The following RSPH1 variants were observed in gnomAD, a reference collection of about 807,000 sequenced individuals.
The protein encoded by RSPH1 is radial spoke head component 1, also known as radial spoke head 1 homolog.
In RSPH1, 32 loss-of-function variants were observed where a neutral mutation model predicts 44.2. The observed-to-expected ratio is 0.72, with a 90% CI of 0.55 to 0.97. RSPH1 has a LOEUF of 0.97. Among genes scored for constraint, RSPH1 ranks in the 50% least tolerant of loss-of-function variants. RSPH1 has a pLI of 0.00. For missense variants in RSPH1, 391 were observed against 398.7 expected (o/e 0.98, Z 0.16); for synonymous variants, 134 against 147.3 (o/e 0.91, Z 0.65).
chr21:42,495,958 T>C, intron 1 of RSPH1, 175 bp downstream of exon 1: 1 of 637,190 alleles, frequency 1.6e-6, no homozygotes, highest in Non-Finnish European at 2.8e-6. Context: ...CTTTTCACCA[T>C]CAACTTCCAG....
intron 7 of RSPH1, among the ~76,000 whole-genome samples, chr21:42,476,970 G>GC (rs1185506269): frequency 6.9e-6 from 1 of 145,606 alleles, no homozygotes; most frequent in East Asian, 2.0e-4. Flanking sequence ...CCATCCCACA[G>GC]CCTGGGGATG....
chr21:42,493,179 T>G (rs1236522023), intron 1 of RSPH1, 100 bp from the exon 2 acceptor site: 2 of 962,044 alleles, frequency 2.1e-6, no homozygotes, highest in Non-Finnish European at 3.2e-6. Context: ...CATCCCACTA[T>G]GCTAAACCCC....
chr21:42,487,491 A>G (rs1167267164), intron 3 of RSPH1, among the ~76,000 whole-genome samples: 4 of 152,262 alleles, frequency 2.6e-5, no homozygotes, highest in Non-Finnish European at 4.4e-5. Context: ...TGGTTGCCAT[A>G]TGGAGAAGCA....
In RSPH1 at chr21:42,492,843, A is replaced by G; in HGVS notation, c.189T>C (p.Asn63=). Residue 63 remains asparagine (N), a synonymous_variant, in exon 3 of 9, where the codon AAT becomes AAC. Transcript: ENST00000291536. The part of the protein sequence containing the change: ...RHGQGIYKFK[N]GARYIGEYVR... The stretch of plus-strand genomic sequence containing the variant: ...CATATTCTCCGATATATCGAGCACC[A>G]TTTTTAAATTTGTAGATCCCCTGAA... 1.2e-6 allele frequency: 2 copies of G among 1,613,188 alleles called. No homozygotes were observed. The highest frequency in any genetic ancestry group is 1.3e-5 in the African/African-American group (1 of 75,032).
intron 1 of RSPH1, 121 bp from the exon 2 acceptor site, chr21:42,493,200 C>G: frequency 1.2e-6 from 1 of 817,450 alleles, no homozygotes; most frequent in Non-Finnish European, 2.0e-6. Context: ...CGGCACTATA[C>G]TCAATTGTCC....
At chr21:42,477,492 G>A in intron 6 of RSPH1, 48 bp from the exon 7 acceptor site, 1 of 1,591,254 alleles carries the variant, frequency 6.3e-7, no homozygotes, top group Non-Finnish European at 8.6e-7. Context: ...GTGTCATCTT[G>A]GTCTGGAATA....
intron 6 of RSPH1, among the ~76,000 whole-genome samples, chr21:42,482,225 A>G (rs1286298469): frequency 1.3e-5 from 2 of 152,200 alleles, no homozygotes; most frequent in African/African-American, 4.8e-5. Flanking sequence ...CTGGGATTAC[A>G]GGCATGCGCC....
intron 1 of RSPH1, among the ~76,000 whole-genome samples, chr21:42,495,049 A>G (rs2054273777): frequency 6.6e-6 from 1 of 152,206 alleles, no homozygotes; most frequent in Non-Finnish European, 1.5e-5. Flanking sequence ...AGGGCAGGGA[A>G]GTAGACATGA....
At position 42,480,533 on chromosome 21, in the gene RSPH1, G is replaced by A. The variant is rs533038217; in HGVS notation, c.573+2104C>T. On this transcript the variant is annotated intron_variant, in intron 6 of 8. Coordinates refer to ENST00000291536, the MANE Select transcript of RSPH1 (RefSeq NM_080860.4). Reference sequence around the variant, plus strand: ...CACATGCCTGTAATCCCAGCTACTCGGGAGGCTGAGACAGGAGAATCGCTT... The same window carrying A: ...CACATGCCTGTAATCCCAGCTACTCAGGAGGCTGAGACAGGAGAATCGCTT... Among the ~76,000 whole-genome samples, 11 of 151,756 alleles carry A rather than the reference G, an allele frequency of 7.2e-5. No homozygotes were observed. In the East Asian group the frequency reaches 1.9e-3, roughly 27 times the overall value.
intron 6 of RSPH1, among the ~76,000 whole-genome samples, chr21:42,478,852 T>C (rs943238514): frequency 1.3e-5 from 2 of 152,152 alleles, no homozygotes; most frequent in Admixed American, 6.5e-5. Context: ...TCGTGCTAAA[T>C]GAAAGAAGCC....
rs2054027830 is a variant in RSPH1, at chr21:42,474,813, G to A, written c.877+1085C>T. ...ACGAAAGTCTATGCCAGCGCTCAGG[G>A]GAATTACCGATCACGAAAGTCTATG... On this transcript the variant is annotated intron_variant, in intron 8 of 8. Transcript: ENST00000291536. This position sits in a 1 kb window ranked among gnomAD's most constrained non-coding sequence, Gnocchi z 5.2. Among the ~76,000 whole-genome samples the A allele has an allele frequency of 6.7e-6, 1 of 148,910 alleles. No homozygotes were observed. Among genetic ancestry groups the A allele is most frequent in the South Asian group, 2.1e-4 (1 of 4,822 alleles).
rs116298940 is a variant in RSPH1, at chr21:42,484,190, C to T, written c.501+1479G>A. On this transcript the variant is annotated intron_variant, in intron 5 of 8. Transcript: ENST00000291536. ...AAAACAATGAGATGACATTTTTTAC[C>T]CATAAGATTGGAAAAGAACAAAAAC... 8.0e-3 allele frequency among the ~76,000 whole-genome samples: 1,210 copies of T among 152,170 alleles called. 20 individuals are homozygous for T. The highest frequency in any genetic ancestry group is 0.027 in the African/African-American group (1,129 of 41,506).
intron 6 of RSPH1, among the ~76,000 whole-genome samples, chr21:42,478,050 G>A (rs1366567631): frequency 1.3e-5 from 2 of 152,202 alleles, no homozygotes; most frequent in Admixed American, 1.3e-4. Context: ...TTCAAGGAAA[G>A]CAGAATGAGA....
intron 1 of RSPH1, among the ~76,000 whole-genome samples, chr21:42,494,415 G>A (rs2054266295): frequency 6.6e-6 from 1 of 152,212 alleles, no homozygotes; most frequent in East Asian, 1.9e-4. Flanking sequence ...TAGAATATAA[G>A]GTAAAAATCT....
chr21:42,474,480 C>T lies in RSPH1; in HGVS notation c.877+1418G>A, dbSNP rs1465516875. 1.3e-5 allele frequency among the ~76,000 whole-genome samples: 2 copies of T among 152,238 alleles called. No homozygotes were observed. The highest frequency in any genetic ancestry group is 2.9e-5 in the Non-Finnish European group (2 of 68,038). On this transcript the variant is annotated intron_variant, in intron 8 of 8. Coordinates refer to ENST00000291536, the MANE Select transcript of RSPH1 (RefSeq NM_080860.4). The surrounding 1 kb of genome is among the most constrained non-coding windows in gnomAD (Gnocchi z 5.2). ...GTGCTAGAGGGCGAGAGCCCAGCCC[C>T]TCACTCCCACACTGCCTATCAAACC...
intron 6 of RSPH1, 27 bp from the exon 7 acceptor site, chr21:42,477,471 T>G: frequency 1.2e-6 from 2 of 1,603,484 alleles, no homozygotes; most frequent in South Asian, 1.1e-5. Context: ...AATGTACATT[T>G]ACCAACATTT....
intron 1 of RSPH1, among the ~76,000 whole-genome samples, chr21:42,494,818 G>A (rs980341775): frequency 4.0e-5 from 6 of 151,726 alleles, no homozygotes; most frequent in Admixed American, 1.3e-4. Context: ...TCCTGCCTCA[G>A]CCTCCCGAGT....
In RSPH1 at chr21:42,495,496, T is replaced by C. The variant is rs2054278791; in HGVS notation, c.54+637A>G. On this transcript the variant is annotated intron_variant, in intron 1 of 8. Coordinates refer to ENST00000291536, the MANE Select transcript of RSPH1 (RefSeq NM_080860.4). ...AACTACTCTCTGGGTGATAGAAATA[T>C]TCCCACACAGAACCCAGCTCACAGG... is the stretch of plus-strand genomic sequence containing the variant. 2.6e-5 allele frequency among the ~76,000 whole-genome samples: 4 copies of C among 152,196 alleles called. No individual in the cohort carries two copies. The South Asian group carries it at 8.3e-4, about 32-fold the overall frequency.
At position 42,477,296 on chromosome 21, in the gene RSPH1, G is replaced by GCCCGGGGGTGCCCTACA. The variant is rs751775896; in HGVS notation, c.721_722insTGTAGGGCACCCCCGGG (p.Ala241ValfsTer2). ...AGCCCGGGGGTGCCCCACACTCTCA[G>GCCCGGGGGTGCCCTACA]CTCCTGGAGCGTCTTGGCCAGGTCC... On this transcript the variant is annotated stop_gained and frameshift_variant, in exon 7 of 9. Coordinates refer to ENST00000291536, the MANE Select transcript of RSPH1 (RefSeq NM_080860.4). LOFTEE classifies it high-confidence loss of function. 1 of 1,613,422 alleles carries GCCCGGGGGTGCCCTACA rather than the reference G, an allele frequency of 6.2e-7. No homozygotes were observed. The highest frequency in any genetic ancestry group is 1.3e-5 in the African/African-American group (1 of 74,874).
Sources: gnomAD v4.1 joint callset for allele counts (sites outside exome capture counted in the v4.1 genomes callset) on GRCh38, gnomAD v4.1.1 for gene constraint, Gnocchi (gnomAD v3.1) non-coding constraint, MANE v1.5 for transcripts, NCBI Gene and HGNC (gene_info 2026-07-23, HGNC 2026-07-21) for gene names.